The following SLC25A21 variants were observed in gnomAD, a reference collection of about 807,000 sequenced individuals.
SLC25A21 encodes mitochondrial 2-oxodicarboxylate carrier.
SLC25A21 carries 47 observed loss-of-function variants against 43.8 expected under a neutral mutation model. The ratio of observed to expected loss-of-function variants is 1.07; its 90% CI spans 0.85 to 1.37. The LOEUF (loss-of-function observed/expected upper bound fraction) is 1.37. Ranked by LOEUF, SLC25A21 falls within the 40% of genes most tolerant of loss-of-function variation. SLC25A21 has a pLI of 0.00. For missense variants in SLC25A21, 352 were observed against 350.2 expected (o/e 1.00, Z -0.04); for synonymous variants, 131 against 121.3 (o/e 1.08, Z -0.52).
At chr14:36,878,727 G>T (rs537360065) in intron 1 of SLC25A21, among the ~76,000 whole-genome samples, 56 of 152,060 alleles carry the variant, frequency 3.7e-4, no homozygotes, top group Non-Finnish European at 6.9e-4. Flanking sequence ...ACATAGAAAA[G>T]AAGATGACTC....
At chr14:37,052,565 TA>T (rs1208768544) in intron 1 of SLC25A21, among the ~76,000 whole-genome samples, 5 of 152,238 alleles carry the variant, frequency 3.3e-5, no homozygotes, top group Admixed American at 1.3e-4. Flanking sequence ...AATCATTTTT[TA>T]ATTCAAATTT....
At chr14:37,150,399 AAC>A (rs569444961) in intron 1 of SLC25A21, among the ~76,000 whole-genome samples, 10 of 152,330 alleles carry the variant, frequency 6.6e-5, no homozygotes, top group South Asian at 2.1e-4. Context: ...TACAAATAAA[AAC>A]AGTTTCTTCC....
chr14:36,697,460 A>G (rs1285723991), intron 7 of SLC25A21, among the ~76,000 whole-genome samples: 1 of 152,178 alleles, frequency 6.6e-6, no homozygotes, highest in African/African-American at 2.4e-5. Context: ...GGTCCTGGAT[A>G]TGCTTGTTAA....
At chr14:37,020,286 A>T (rs1003949481) in intron 1 of SLC25A21, among the ~76,000 whole-genome samples, 3 of 151,870 alleles carry the variant, frequency 2.0e-5, no homozygotes, top group Admixed American at 6.6e-5. Context: ...GCTGATTTAT[A>T]AAAAAACAAA....
chr14:36,915,636 G>T (rs1891810045), intron 1 of SLC25A21, among the ~76,000 whole-genome samples: 1 of 152,022 alleles, frequency 6.6e-6, no homozygotes, highest in Admixed American at 6.6e-5. Flanking sequence ...TCCCCCAGTG[G>T]AACATCTGAC....
intron 5 of SLC25A21, 75 bp downstream of exon 5, chr14:36,729,432 A>G (rs1475102248): frequency 8.5e-7 from 1 of 1,180,122 alleles, no homozygotes; most frequent in African/African-American, 1.6e-5. Context: ...CTTGGAAATC[A>G]AAAGAGTTTT....
intron 1 of SLC25A21, among the ~76,000 whole-genome samples, chr14:36,975,408 C>G (rs1449580150): frequency 6.6e-6 from 1 of 152,142 alleles, no homozygotes; most frequent in Non-Finnish European, 1.5e-5. Context: ...TCATTGGAAT[C>G]TAATATAAAC....
chr14:37,094,357 C>A (rs571036806), intron 1 of SLC25A21, among the ~76,000 whole-genome samples: 1 of 152,228 alleles, frequency 6.6e-6, no homozygotes, highest in East Asian at 1.9e-4. Flanking sequence ...TAATTGGATT[C>A]TTTATTGCCA....
intron 2 of SLC25A21, among the ~76,000 whole-genome samples, chr14:36,816,384 A>T (rs1888455814): frequency 6.6e-6 from 1 of 152,132 alleles, no homozygotes; most frequent in African/African-American, 2.4e-5. Context: ...GGTGAGAAAT[A>T]ATGGTGCTAG....
intron 1 of SLC25A21, among the ~76,000 whole-genome samples, chr14:37,140,944 C>T (rs1046072803): frequency 9.9e-5 from 15 of 151,884 alleles, no homozygotes; most frequent in African/African-American, 3.4e-4. Flanking sequence ...GTCAGGAGTT[C>T]GAGACCAACC....
intron 3 of SLC25A21, among the ~76,000 whole-genome samples, chr14:36,770,893 T>C (rs780614683): frequency 1.9e-4 from 29 of 152,210 alleles, no homozygotes; most frequent in Non-Finnish European, 4.1e-4. Context: ...GCATATCTGT[T>C]TTATTTAGAC....
chr14:36,909,248 T>C (rs759153921), intron 1 of SLC25A21, among the ~76,000 whole-genome samples: 54 of 152,086 alleles, frequency 3.6e-4, no homozygotes, highest in Non-Finnish European at 6.6e-4. Flanking sequence ...AATGGGATGA[T>C]ACGCAGTTAG....
At chr14:36,976,050 C>A (rs773405425) in intron 1 of SLC25A21, among the ~76,000 whole-genome samples, 2 of 152,196 alleles carry the variant, frequency 1.3e-5, no homozygotes, top group Non-Finnish European at 2.9e-5. Flanking sequence ...GCAATGCCAT[C>A]TGCTGTTTGC....
chr14:37,040,059 G>A (rs958383332), intron 1 of SLC25A21, among the ~76,000 whole-genome samples: 6 of 151,034 alleles, frequency 4.0e-5, no homozygotes, highest in African/African-American at 9.8e-5. Context: ...AATTAGCTGC[G>A]TGTGGTGGCA....
intron 1 of SLC25A21, among the ~76,000 whole-genome samples, chr14:36,877,798 G>A (rs1208967399): frequency 1.3e-5 from 2 of 152,056 alleles, no homozygotes; most frequent in African/African-American, 4.8e-5. Context: ...TTGAAGGCAG[G>A]GTATGGCAAG....
intron 2 of SLC25A21, among the ~76,000 whole-genome samples, chr14:36,861,813 A>G (rs1890072608): frequency 6.6e-6 from 1 of 152,178 alleles, no homozygotes; most frequent in Non-Finnish European, 1.5e-5. Context: ...GAAAATAGGC[A>G]TGGTATTAGT....
intron 3 of SLC25A21, among the ~76,000 whole-genome samples, chr14:36,763,997 C>G (rs1045202792): frequency 2.8e-5 from 4 of 142,814 alleles, no homozygotes; most frequent in Middle Eastern, 3.6e-3. Flanking sequence ...CCACTGCACT[C>G]TAGCCTGGGT....
At chr14:36,920,629 T>A (rs1025574813) in intron 1 of SLC25A21, among the ~76,000 whole-genome samples, 1 of 152,092 alleles carries the variant, frequency 6.6e-6, no homozygotes, top group Non-Finnish European at 1.5e-5. Context: ...GTGATGCTAC[T>A]CTGAATGAAC....
intron 1 of SLC25A21, among the ~76,000 whole-genome samples, chr14:37,059,555 T>C (rs1961900152): frequency 6.6e-6 from 1 of 152,196 alleles, no homozygotes; most frequent in Non-Finnish European, 1.5e-5. Context: ...ATTGGGTTTT[T>C]TTAAATACAG....
Sources: allele counts gnomAD v4.1 joint callset (sites outside exome capture counted in the v4.1 genomes callset), GRCh38; gene constraint gnomAD v4.1.1; transcripts MANE v1.5; gene names NCBI Gene and HGNC (gene_info 2026-07-23, HGNC 2026-07-21).